The following PLLP variants were observed in gnomAD, a reference collection of about 807,000 sequenced individuals.
PLLP encodes plasma membrane proteolipid (plasmolipin).
In PLLP, 15 loss-of-function variants were observed where a neutral mutation model predicts 19.7. That is an observed-to-expected ratio of 0.76 (90% CI 0.51 to 1.17). The LOEUF (loss-of-function observed/expected upper bound fraction) is 1.17, where lower values mean the gene tolerates loss of function less well. Ranked by LOEUF, PLLP falls within the 50% of genes most tolerant of loss-of-function variation. The probability of loss-of-function intolerance (pLI) is 0.00; values close to 1 mark genes in which losing one functional copy is unlikely to be tolerated. For synonymous variants in PLLP, 111 were observed against 116.3 expected, an observed-to-expected ratio of 0.95 and a Z score of 0.29; for missense variants, 255 against 258.3, an observed-to-expected ratio of 0.99 and a Z score of 0.09.
At chr16:57,258,920 CAAAAAAA>C (rs59321788) in intron 2 of PLLP, among the ~76,000 whole-genome samples, 2 of 40,266 alleles carry the variant, frequency 5.0e-5, no homozygotes, top group Admixed American at 3.4e-4. Context: ...GATCCTGTCT[CAAAAAAA>C]AAAAAAAAAA....
chr16:57,256,253 G>C lies in PLLP; in HGVS notation c.*660C>G. ...GGCACCGATGTTAGCTTCGCCCAAA[G>C]GGAGTATTACAGAGAGAGGCTTGGG... On this transcript the variant is annotated 3_prime_UTR_variant, in exon 4 of 4. Coordinates refer to ENST00000219207, the MANE Select transcript of PLLP (RefSeq NM_015993.3). The C allele has an allele frequency of 5.1e-6, 2 of 390,980 alleles. No individual in the cohort carries two copies. The highest frequency in any genetic ancestry group is 9.0e-6 in the Non-Finnish European group (2 of 221,950). The allele number at this position is 390,980 out of a possible 1,614,324, so 24.2% of individuals were successfully genotyped here. A position where few individuals can be genotyped will look rare whatever the true frequency, so the allele number is the denominator to read the frequency against.
chr16:57,270,266 C>A (rs2075470457), intron 1 of PLLP, among the ~76,000 whole-genome samples: 1 of 135,190 alleles, frequency 7.4e-6, no homozygotes, highest in African/African-American at 2.8e-5. Context: ...AGTCCATCCC[C>A]AGCCCCCGAG....
At chr16:57,264,271 G>T (rs2075450438) in intron 1 of PLLP, among the ~76,000 whole-genome samples, 2 of 152,228 alleles carry the variant, frequency 1.3e-5, no homozygotes, top group South Asian at 4.1e-4. Context: ...CCATCCCCCA[G>T]GGATCTGGCT....
intron 1 of PLLP, among the ~76,000 whole-genome samples, chr16:57,273,525 C>G (rs1274820849): frequency 6.6e-6 from 1 of 152,184 alleles, no homozygotes; most frequent in Admixed American, 6.5e-5. Flanking sequence ...CCAACCCAGC[C>G]CAACAGCAAA....
intron 1 of PLLP, among the ~76,000 whole-genome samples, chr16:57,272,053 C>A (rs1567531612): frequency 6.6e-6 from 1 of 152,190 alleles, no homozygotes; most frequent in Non-Finnish European, 1.5e-5. Context: ...GCCCTGCATT[C>A]ATTCCCTCCA....
intron 1 of PLLP, among the ~76,000 whole-genome samples, chr16:57,265,671 G>A (rs904852153): frequency 6.6e-6 from 1 of 152,112 alleles, no homozygotes; most frequent in African/African-American, 2.4e-5. Context: ...TGTTCTATCT[G>A]TTATTCCCAT....
rs546728978 is a variant in PLLP, at chr16:57,263,863, G to T, written c.136-1793C>A. Among the ~76,000 whole-genome samples the T allele has an allele frequency of 2.6e-5, 4 of 152,330 alleles. No homozygotes were observed. The East Asian group carries it at 7.7e-4, about 29-fold the overall frequency. ...TCCATTGCCAATCAAGACACACAGA[G>T]GTGTCCTCTTTTTCCCCTGGTCAGC... On this transcript the variant is annotated intron_variant, in intron 1 of 3. Coordinates refer to ENST00000219207, the MANE Select transcript of PLLP (RefSeq NM_015993.3).
At chr16:57,266,422 G>A (rs1470811850) in intron 1 of PLLP, among the ~76,000 whole-genome samples, 2 of 152,180 alleles carry the variant, frequency 1.3e-5, no homozygotes, top group Admixed American at 1.3e-4. Flanking sequence ...TGGTTCCTGA[G>A]CCCCCAGCCC....
At chr16:57,279,671 T>G (rs1458825824) in intron 1 of PLLP, among the ~76,000 whole-genome samples, 1 of 119,454 alleles carries the variant, frequency 8.4e-6, no homozygotes, top group Non-Finnish European at 1.8e-5. Context: ...CAAGACCTTG[T>G]CTCGAGGAAA....
intron 1 of PLLP, among the ~76,000 whole-genome samples, chr16:57,272,063 A>T (rs1266877854): frequency 1.3e-5 from 2 of 151,808 alleles, no homozygotes; most frequent in Non-Finnish European, 2.9e-5. Flanking sequence ...CATTCCCTCC[A>T]ACTCCTGCCC....
intron 1 of PLLP, among the ~76,000 whole-genome samples, chr16:57,263,727 C>A (rs1567529785): frequency 6.6e-6 from 1 of 151,522 alleles, no homozygotes; most frequent in Non-Finnish European, 1.5e-5. Context: ...CCTCCTACCC[C>A]CACCCACCCC....
intron 2 of PLLP, 50 bp from the exon 3 acceptor site, chr16:57,258,634 AAGAG>A: frequency 6.3e-7 from 1 of 1,591,102 alleles, no homozygotes; most frequent in Non-Finnish European, 8.6e-7. Flanking sequence ...TTAAGACACA[AAGAG>A]AGGCCAGACA....
chr16:57,270,054 C>A (rs1414058244), intron 1 of PLLP, among the ~76,000 whole-genome samples: 1 of 152,210 alleles, frequency 6.6e-6, no homozygotes, highest in Non-Finnish European at 1.5e-5. Context: ...CAGGCGTGAG[C>A]CACTGCACCT....
chr16:57,281,567 G>C (rs1228492154), intron 1 of PLLP, among the ~76,000 whole-genome samples: 1 of 144,426 alleles, frequency 6.9e-6, no homozygotes, highest in Non-Finnish European at 1.5e-5. Flanking sequence ...CTGGAGTGCC[G>C]TGGCGCCATC....
At chr16:57,279,385 G>A (rs1901191146) in intron 1 of PLLP, among the ~76,000 whole-genome samples, 1 of 146,634 alleles carries the variant, frequency 6.8e-6, no homozygotes, top group Admixed American at 6.8e-5. Context: ...TTTGTTAAGA[G>A]TAGAGGACTG....
At chr16:57,281,501 G>T (rs1256687306) in intron 1 of PLLP, among the ~76,000 whole-genome samples, 3 of 126,090 alleles carry the variant, frequency 2.4e-5, no homozygotes, top group African/African-American at 1.0e-4. Flanking sequence ...CCAACAAGCA[G>T]ATTTTTTTTT....
rs2075443145 is a variant in PLLP, at chr16:57,261,964, A to T, written c.242T>A (p.Ile81Asn). Residue 81 changes from isoleucine to asparagine, a missense_variant, in exon 2 of 4, where the codon ATC (isoleucine) becomes AAC (asparagine). Transcript: ENST00000219207. Reference sequence around the variant, plus strand: ...AAACAGGTAGAGGTTGAAGAGGACGATTGTCACCAGCCAGAGGAAGACAGC... The same window carrying T: ...AAACAGGTAGAGGTTGAAGAGGACGTTTGTCACCAGCCAGAGGAAGACAGC... ...FVAVFLWLVTIVLFNLYLFQL... is the reference protein window; with the variant it reads ...FVAVFLWLVTNVLFNLYLFQL... 6.2e-7 allele frequency: 1 copy of T among 1,614,010 alleles called. No homozygotes were observed. Among genetic ancestry groups the T allele is most frequent in the African/African-American group, 1.3e-5 (1 of 74,900 alleles).
chr16:57,276,563 G>T (rs1901156062), intron 1 of PLLP, among the ~76,000 whole-genome samples: 1 of 150,712 alleles, frequency 6.6e-6, no homozygotes, highest in South Asian at 2.1e-4. Flanking sequence ...CTACACTCCA[G>T]GCTGGGTGAC....
At chr16:57,267,056 C>T (rs567066479) in intron 1 of PLLP, among the ~76,000 whole-genome samples, 4 of 152,184 alleles carry the variant, frequency 2.6e-5, no homozygotes, top group Non-Finnish European at 4.4e-5. Flanking sequence ...TCACAAATGC[C>T]CAACCAAGAG....
Sources: allele counts gnomAD v4.1 joint callset (sites outside exome capture counted in the v4.1 genomes callset), GRCh38; gene constraint gnomAD v4.1.1; transcripts MANE v1.5; gene names NCBI Gene and HGNC (gene_info 2026-07-23, HGNC 2026-07-21).